KHDRBS2: variants seen among roughly 807,000 people sequenced by gnomAD.
The protein encoded by KHDRBS2 is KH RNA binding domain containing, signal transduction associated 2.
KHDRBS2 carries 26 observed loss-of-function variants against 44.3 expected under a neutral mutation model. That is an observed-to-expected ratio of 0.59 (90% confidence interval 0.43 to 0.81). KHDRBS2 has a LOEUF of 0.81. KHDRBS2 is among the 40% of genes least tolerant of loss of function. The pLI is 0.00. For synonymous variants in KHDRBS2, 194 were observed against 151.1 expected, an observed-to-expected ratio of 1.28 and a Z score of -2.08; for missense variants, 476 against 433.1, an observed-to-expected ratio of 1.10 and a Z score of -0.88.
chr6:62,140,433 C>A (rs1189518152), intron 2 of KHDRBS2, among the ~76,000 whole-genome samples: 1 of 152,074 alleles, frequency 6.6e-6, no homozygotes, highest in Non-Finnish European at 1.5e-5. Flanking sequence ...CAGGGACAGT[C>A]GGGAGACTTT....
chr6:61,689,646 T>C (rs1376808101), intron 8 of KHDRBS2, among the ~76,000 whole-genome samples: 1 of 152,006 alleles, frequency 6.6e-6, no homozygotes, highest in Non-Finnish European at 1.5e-5. Flanking sequence ...TATTACCTGC[T>C]GCTGCACTCC....
chr6:62,102,131 T>C (rs1802036264), intron 2 of KHDRBS2, among the ~76,000 whole-genome samples: 2 of 152,350 alleles, frequency 1.3e-5, no homozygotes, highest in East Asian at 1.9e-4. Flanking sequence ...TAATGAACTA[T>C]ATTCTAATGG....
chr6:61,868,683 G>A (rs9453309), intron 6 of KHDRBS2, among the ~76,000 whole-genome samples: 3,436 of 152,216 alleles, frequency 0.023, 143 homozygotes, highest in African/African-American at 0.079. Context: ...AAAGCCTGCA[G>A]CCTGTTTGGC....
At chr6:62,200,283 T>C (rs1333017985) in intron 1 of KHDRBS2, among the ~76,000 whole-genome samples, 2 of 152,054 alleles carry the variant, frequency 1.3e-5, no homozygotes, top group African/African-American at 2.4e-5. Context: ...GAAACTACCA[T>C]CAGAGTGAAC....
chr6:61,702,396 C>T (rs1291741713), intron 7 of KHDRBS2, among the ~76,000 whole-genome samples: 1 of 151,882 alleles, frequency 6.6e-6, no homozygotes, highest in Non-Finnish European at 1.5e-5. Flanking sequence ...ACCTACCTGC[C>T]CTAGCCTATT....
intron 6 of KHDRBS2, among the ~76,000 whole-genome samples, chr6:61,769,049 A>G (rs534183465): frequency 6.6e-6 from 1 of 152,288 alleles, no homozygotes; most frequent in East Asian, 1.9e-4. Flanking sequence ...TTTATTTATA[A>G]TGAAATTAAA....
At chr6:61,554,086 A>G in the KHDRBS2 span, among the ~76,000 whole-genome samples, 3 of 152,192 alleles carry the variant, frequency 2.0e-5, no homozygotes, top group East Asian at 1.9e-4. Flanking sequence ...ATCGTCTTAT[A>G]TTGCTATTGG....
the KHDRBS2 span, among the ~76,000 whole-genome samples, chr6:61,569,889 C>G: frequency 6.6e-6 from 1 of 152,130 alleles, no homozygotes; most frequent in Admixed American, 6.5e-5. Context: ...AACACCATGC[C>G]AAGGAATTAC....
chr6:61,595,150 T>C, the KHDRBS2 span, among the ~76,000 whole-genome samples: 2 of 152,184 alleles, frequency 1.3e-5, no homozygotes, highest in Admixed American at 1.3e-4. Context: ...AACTCTAGTT[T>C]TTCATTAGTG....
chr6:62,087,315 A>G (rs1460333977), intron 2 of KHDRBS2, among the ~76,000 whole-genome samples: 1 of 152,130 alleles, frequency 6.6e-6, no homozygotes, highest in Non-Finnish European at 1.5e-5. Flanking sequence ...TATTGGAGTT[A>G]AAGATAAATC....
Position 61,680,930 on chromosome 6 carries a change from T to C in KHDRBS2, c.*33A>G. On this transcript the variant is annotated 3_prime_UTR_variant, in exon 9 of 9. Coordinates refer to ENST00000281156, the MANE Select transcript of KHDRBS2 (RefSeq NM_152688.4). ...TGTGGAGACCACAGGCTATGAATTG[T>C]CTTTGAGGTGAGGTCACAGGTGGGA... 7.3e-7 allele frequency: 1 copy of C among 1,366,308 alleles called. No homozygotes were observed. The highest frequency in any genetic ancestry group is 1.0e-6 in the Non-Finnish European group (1 of 960,382). The allele number at this position is 1,366,308 out of a possible 1,614,324, so 84.6% of individuals were successfully genotyped here.
chr6:61,863,255 AG>A (rs201983600), intron 6 of KHDRBS2, among the ~76,000 whole-genome samples: 12 of 133,842 alleles, frequency 9.0e-5, no homozygotes, highest in South Asian at 2.4e-4. Context: ...GAGCTTTTGA[AG>A]GGGTTTTTTT....
chr6:61,693,799 A>G (rs1767619088), intron 8 of KHDRBS2, among the ~76,000 whole-genome samples: 1 of 152,144 alleles, frequency 6.6e-6, no homozygotes, highest in Non-Finnish European at 1.5e-5. Flanking sequence ...ACAGCAGGAG[A>G]ACCAGACTAC....
chr6:62,232,026 C>A (rs1049019164), intron 1 of KHDRBS2, among the ~76,000 whole-genome samples: 1 of 152,102 alleles, frequency 6.6e-6, no homozygotes, highest in African/African-American at 2.4e-5. Flanking sequence ...TAATGTTACT[C>A]ATTTGCTGTA....
intron 3 of KHDRBS2, among the ~76,000 whole-genome samples, chr6:61,991,271 ATAAAG>A (rs1776093454): frequency 6.6e-6 from 1 of 152,220 alleles, no homozygotes; most frequent in African/African-American, 2.4e-5. Context: ...TGTATGCCAA[ATAAAG>A]TAATAAGCAA....
At position 61,954,928 on chromosome 6, in the gene KHDRBS2, A is replaced by G. The variant is rs1198916268; in HGVS notation, c.483+23138T>C. Among the ~76,000 whole-genome samples, 14 of 126,140 alleles carry G rather than the reference A, an allele frequency of 1.1e-4. 1 individual carries two copies. The highest frequency in any genetic ancestry group is 2.4e-4 in the Non-Finnish European group (13 of 55,166). The allele number at this position is 126,140 out of a possible 152,430, so 82.8% of individuals were successfully genotyped here. A position where few individuals can be genotyped will look rare whatever the true frequency, so the allele number is the denominator to read the frequency against. On this transcript the variant is annotated intron_variant, in intron 4 of 8. Coordinates refer to ENST00000281156, the MANE Select transcript of KHDRBS2 (RefSeq NM_152688.4). ...TGTGTGCATACATATATATGTATAC[A>G]CATACATATGTATGTGTATACATAT...
At chr6:62,125,224 G>T (rs370621705) in intron 2 of KHDRBS2, among the ~76,000 whole-genome samples, 3 of 152,182 alleles carry the variant, frequency 2.0e-5, no homozygotes, top group East Asian at 3.9e-4. Flanking sequence ...GAGGAAGAGG[G>T]CAGTGATTAT....
intron 3 of KHDRBS2, among the ~76,000 whole-genome samples, chr6:61,982,469 A>G (rs1774040472): frequency 6.6e-6 from 1 of 151,906 alleles, no homozygotes; most frequent in Non-Finnish European, 1.5e-5. Flanking sequence ...CAGGAGATCG[A>G]GACCATCCTG....
intron 1 of KHDRBS2, among the ~76,000 whole-genome samples, chr6:62,261,111 G>T (rs1349779077): frequency 1.3e-5 from 2 of 151,830 alleles, no homozygotes; most frequent in African/African-American, 4.8e-5. Flanking sequence ...GATCCCAAAT[G>T]AATGTGCTAA....
Sources: allele counts gnomAD v4.1 joint callset (sites outside exome capture counted in the v4.1 genomes callset), GRCh38; gene constraint gnomAD v4.1.1; transcripts MANE v1.5; gene names NCBI Gene and HGNC (gene_info 2026-07-23, HGNC 2026-07-21).